Variants in PTPRJ observed in about 807,000 individuals in gnomAD.
PTPRJ encodes protein tyrosine phosphatase receptor type J.
A neutral mutation model predicts 141.3 loss-of-function variants in PTPRJ; 129 were observed. The ratio of observed to expected loss-of-function variants is 0.91; its 90% CI spans 0.79 to 1.06. PTPRJ has a LOEUF of 1.06. PTPRJ is among the 50% of genes least tolerant of loss of function. The pLI, the probability that PTPRJ is intolerant of heterozygous loss-of-function variation, is 0.00. For synonymous variants in PTPRJ, 610 were observed against 640.5 expected, an observed-to-expected ratio of 0.95 and a Z score of 0.72; for missense variants, 1,601 against 1,679.7, an observed-to-expected ratio of 0.95 and a Z score of 0.82.
chr11:48,168,532 GTGTATATATA>G lies in PTPRJ; in HGVS notation c.*1172_*1181del, dbSNP rs1396785662. ...GCCGTGACACATATCGGAATCTACT[GTGTATATATA>G]TATATATATATATATATATATATAT... On this transcript the variant is annotated 3_prime_UTR_variant, in exon 25 of 25. Transcript: ENST00000418331. The G allele has an allele frequency of 0.027, 1,204 of 43,904 alleles. 164 individuals carry two copies. Among genetic ancestry groups the G allele is most frequent in the African/African-American group, 0.08 (918 of 11,474 alleles). The allele number at this position is 43,904 out of a possible 1,614,324, so 2.7% of individuals were successfully genotyped here.
At chr11:48,153,365 TCTA>T (rs1857527733) in intron 18 of PTPRJ, among the ~76,000 whole-genome samples, 1 of 151,706 alleles carries the variant, frequency 6.6e-6, no homozygotes, top group African/African-American at 2.4e-5. Flanking sequence ...AAACCCCGTC[TCTA>T]CTAAAAATAC....
At chr11:47,981,796 G>A (rs1231593362) in intron 1 of PTPRJ, among the ~76,000 whole-genome samples, 1 of 152,186 alleles carries the variant, frequency 6.6e-6, no homozygotes, top group East Asian at 1.9e-4. Flanking sequence ...AGCTGAAGGG[G>A]CATTCCCATT....
At chr11:48,137,345 C>T (rs1016100953) in intron 10 of PTPRJ, 64 bp downstream of exon 10, 1 of 1,505,806 alleles carries the variant, frequency 6.6e-7, no homozygotes, top group Non-Finnish European at 9.0e-7. Context: ...GCAGGTCAGT[C>T]CTCCCAAGTC....
Position 48,128,052 on chromosome 11 carries a change from A to G in PTPRJ, c.1357+9A>G, listed in dbSNP as rs780880380. ...CCTCCAAGTGCACACCCGTGAGTTCATGCCTGGCTCTCACCACCCTTTCCT... is the reference window on the plus strand; with the variant it reads ...CCTCCAAGTGCACACCCGTGAGTTCGTGCCTGGCTCTCACCACCCTTTCCT... On this transcript the variant is annotated intron_variant, in intron 7 of 24. Coordinates refer to ENST00000418331, the MANE Select transcript of PTPRJ (RefSeq NM_002843.4). 1 of 1,606,996 alleles carries G rather than the reference A, an allele frequency of 6.2e-7. No homozygotes were observed. The highest frequency in any genetic ancestry group is 8.5e-7 in the Non-Finnish European group (1 of 1,174,186).
chr11:48,126,832 A>ACC, intron 6 of PTPRJ, among the ~76,000 whole-genome samples: 1 of 151,286 alleles, frequency 6.6e-6, no homozygotes. Context: ...ATAAACACAC[A>ACC]TTTCCACCCA....
intron 1 of PTPRJ, among the ~76,000 whole-genome samples, chr11:48,008,932 G>A (rs1437179227): frequency 6.6e-6 from 1 of 152,186 alleles, no homozygotes; most frequent in African/African-American, 2.4e-5. Flanking sequence ...ATTATTGTTA[G>A]CAAAACTGGG....
chr11:47,997,109 C>A (rs1039973538), intron 1 of PTPRJ, among the ~76,000 whole-genome samples: 1 of 152,212 alleles, frequency 6.6e-6, no homozygotes, highest in African/African-American at 2.4e-5. Flanking sequence ...CTGGATAACT[C>A]GCTGTTTTGG....
chr11:48,083,397 C>A (rs904901566), intron 1 of PTPRJ, among the ~76,000 whole-genome samples: 10 of 152,188 alleles, frequency 6.6e-5, no homozygotes, highest in Non-Finnish European at 1.2e-4. Context: ...TCATTGCACT[C>A]CAGCCTGGGC....
chr11:48,048,657 G>T (rs1333637434), intron 1 of PTPRJ, among the ~76,000 whole-genome samples: 1 of 152,110 alleles, frequency 6.6e-6, no homozygotes, highest in Admixed American at 6.5e-5. Context: ...AACCGGGTGT[G>T]ATGGCGCGTG....
intron 1 of PTPRJ, among the ~76,000 whole-genome samples, chr11:48,049,757 CCTGGAGCACCCTGCTGCTTTAA>C (rs1352316471): frequency 1.3e-5 from 2 of 148,934 alleles, no homozygotes; most frequent in Admixed American, 6.7e-5. Flanking sequence ...TCTTAGAAAA[CCTGGAGCACCCTGCTGCTTTAA>C]CTGCAGCCCT....
chr11:48,089,870 C>T (rs911551698), intron 1 of PTPRJ, among the ~76,000 whole-genome samples: 5 of 152,112 alleles, frequency 3.3e-5, no homozygotes, highest in East Asian at 1.9e-4. Context: ...GCTAGAGCCT[C>T]GAGCCAGCCA....
In PTPRJ at chr11:48,130,816, A is replaced by G. The variant is rs1388090816; in HGVS notation, c.1615+100A>G. On this transcript the variant is annotated intron_variant, in intron 8 of 24. Transcript: ENST00000418331. ...TCCAAATATTGTTTTTCTTTTAATT[A>G]TCTAAGAAAAAACTTTAAAAATTTT... 3.9e-6 allele frequency: 5 copies of G among 1,284,848 alleles called. No individual in the cohort carries two copies. In the Admixed American group the frequency reaches 9.7e-5, roughly 25 times the overall value. 79.6% of individuals were successfully genotyped at this position (1,284,848 alleles called of 1,614,324 possible).
chr11:48,137,893 C>T (rs961164824), intron 10 of PTPRJ, among the ~76,000 whole-genome samples: 1 of 152,170 alleles, frequency 6.6e-6, no homozygotes, highest in African/African-American at 2.4e-5. Flanking sequence ...CTTCTTGATC[C>T]TCACCTATCT....
chr11:48,127,535 C>G (rs1019774352), intron 6 of PTPRJ, among the ~76,000 whole-genome samples: 2 of 152,130 alleles, frequency 1.3e-5, no homozygotes, highest in Non-Finnish European at 2.9e-5. Flanking sequence ...TCTCTAAAGT[C>G]AACTTACAAA....
chr11:48,031,507 G>A (rs1454933365), intron 1 of PTPRJ, among the ~76,000 whole-genome samples: 1 of 152,218 alleles, frequency 6.6e-6, no homozygotes, highest in African/African-American at 2.4e-5. Flanking sequence ...GGTGCTTCCA[G>A]CAGGCACGTG....
chr11:48,120,474 G>T (rs1856677335), intron 3 of PTPRJ, among the ~76,000 whole-genome samples: 1 of 152,116 alleles, frequency 6.6e-6, no homozygotes, highest in South Asian at 2.1e-4. Context: ...CGCCCAGGCT[G>T]GAGTGCAGTG....
chr11:48,140,163 T>G (rs1857197997), intron 11 of PTPRJ, among the ~76,000 whole-genome samples: 1 of 152,202 alleles, frequency 6.6e-6, no homozygotes, highest in Middle Eastern at 3.4e-3. Flanking sequence ...GCCTCCTGAG[T>G]AGCTGGGACT....
intron 1 of PTPRJ, among the ~76,000 whole-genome samples, chr11:48,059,110 CTTTTTTTTTTTTTTT>C (rs917350262): frequency 9.8e-6 from 1 of 102,160 alleles, no homozygotes. Context: ...TGTGCTGTGC[CTTTTTTTTTTTTTTT>C]TTTTTTTTTT....
intron 1 of PTPRJ, among the ~76,000 whole-genome samples, chr11:48,075,625 T>G (rs954951583): frequency 5.3e-5 from 8 of 151,776 alleles, no homozygotes; most frequent in African/African-American, 1.9e-4. Flanking sequence ...TGGAGATGGG[T>G]TCTCACTGTG....
Sources: gnomAD v4.1 joint callset for allele counts (sites outside exome capture counted in the v4.1 genomes callset) on GRCh38, gnomAD v4.1.1 for gene constraint, MANE v1.5 for transcripts, NCBI Gene and HGNC (gene_info 2026-07-23, HGNC 2026-07-21) for gene names.